The following TAF4B variants were observed in gnomAD, a reference collection of about 807,000 sequenced individuals.
TAF4B encodes transcription initiation factor TFIID subunit 4B.
TAF4B carries 38 observed loss-of-function variants against 86.4 expected under a neutral mutation model. The observed-to-expected ratio is 0.44, with a 90% confidence interval of 0.34 to 0.58. The LOEUF is 0.58. Among genes scored for constraint, TAF4B ranks in the 20% least tolerant of loss-of-function variants. The pLI is 0.02. For missense variants in TAF4B, 988 were observed against 1,027.6 expected (o/e 0.96, Z 0.53); for synonymous variants, 388 against 391.2 (o/e 0.99, Z 0.10).
chr18:26,234,497 A>G (rs1019695331), intron 1 of TAF4B, among the ~76,000 whole-genome samples: 1 of 152,164 alleles, frequency 6.6e-6, no homozygotes, highest in Non-Finnish European at 1.5e-5. Context: ...TCCCAGTTCT[A>G]AGGCTCGGGT....
rs373820767 is a variant in TAF4B at position 26,321,218 on chromosome 18, A to G, written c.2133+18A>G. On this transcript the variant is annotated intron_variant, in intron 11 of 14. Transcript: ENST00000269142. ...CTTACAAGGTAAAGGAAATCATTAA[A>G]GAAGTATAAACTCTCGAGTGTTATA... is the stretch of plus-strand genomic sequence containing the variant. 70 of 1,613,110 alleles carry G rather than the reference A, an allele frequency of 4.3e-5. No individual in the cohort carries two copies. The highest frequency in any genetic ancestry group is 5.8e-5 in the Non-Finnish European group (69 of 1,179,488).
rs879719063 is a variant in TAF4B at position 26,226,828 on chromosome 18, T to C, written c.-106T>C. The C allele has an allele frequency of 1.1e-6, 1 of 910,878 alleles. No homozygotes were observed. The highest frequency in any genetic ancestry group is 1.5e-6 in the Non-Finnish European group (1 of 671,616). The allele number at this position is 910,878 out of a possible 1,614,324, so 56.4% of individuals were successfully genotyped here. A position where few individuals can be genotyped will look rare whatever the true frequency, so the allele number is the denominator to read the frequency against. ...CGGCCCCCGCGCCTCTCCCCAGCGA[T>C]GCTGTGGAACCCGAACCGCACCGGA... On this transcript the variant is annotated 5_prime_UTR_variant, in exon 1 of 15. It removes an upstream start codon present in the reference 5' UTR. Coordinates refer to ENST00000269142, the MANE Select transcript of TAF4B (RefSeq NM_005640.3).
chr18:26,275,149 T>A (rs78200179), intron 5 of TAF4B, 96 bp downstream of exon 5: 63,926 of 1,245,732 alleles, frequency 0.051, 1,774 homozygotes, highest in Non-Finnish European at 0.058. Flanking sequence ...TTATTTAATT[T>A]ATTTATTTAT....
intron 14 of TAF4B, among the ~76,000 whole-genome samples, chr18:26,381,719 C>T (rs1442622003): frequency 7.0e-6 from 1 of 143,488 alleles, no homozygotes; most frequent in Non-Finnish European, 1.5e-5. Flanking sequence ...GAGCGAAACT[C>T]CGCCTCTAAA....
intron 9 of TAF4B, among the ~76,000 whole-genome samples, chr18:26,302,124 CAG>C (rs1484179753): frequency 2.0e-5 from 3 of 152,136 alleles, no homozygotes; most frequent in Non-Finnish European, 4.4e-5. Context: ...TGGTCTGTAA[CAG>C]AAACAGAAGT....
chr18:26,295,842 C>CTCAT (rs1246037654), intron 9 of TAF4B, among the ~76,000 whole-genome samples: 2 of 152,030 alleles, frequency 1.3e-5, no homozygotes, highest in Non-Finnish European at 2.9e-5. Context: ...TTTTTGAAAT[C>CTCAT]TCATAGTTTT....
intron 14 of TAF4B, among the ~76,000 whole-genome samples, chr18:26,386,146 A>G (rs1978353746): frequency 6.6e-6 from 1 of 152,052 alleles, no homozygotes; most frequent in African/African-American, 2.4e-5. Context: ...TTTTTCATTT[A>G]TAACATTGCC....
At chr18:26,259,648 G>A (rs1163639950) in intron 1 of TAF4B, among the ~76,000 whole-genome samples, 2 of 152,292 alleles carry the variant, frequency 1.3e-5, no homozygotes, top group African/African-American at 4.8e-5. Flanking sequence ...ATTCCATAGT[G>A]TATATGTGCC....
At chr18:26,259,302 T>A (rs1234642553) in intron 1 of TAF4B, among the ~76,000 whole-genome samples, 1 of 152,024 alleles carries the variant, frequency 6.6e-6, no homozygotes, top group African/African-American at 2.4e-5. Flanking sequence ...TTTTTTATTA[T>A]ACTTTAAGTT....
At chr18:26,354,841 T>C (rs1332171509) in intron 13 of TAF4B, among the ~76,000 whole-genome samples, 2 of 152,242 alleles carry the variant, frequency 1.3e-5, no homozygotes, top group Non-Finnish European at 2.9e-5. Context: ...GGTATGATTC[T>C]TCCAATTTTG....
intron 14 of TAF4B, among the ~76,000 whole-genome samples, chr18:26,367,133 TC>T (rs1025786061): frequency 2.4e-4 from 36 of 152,180 alleles, no homozygotes; most frequent in African/African-American, 8.0e-4. Context: ...AATAGGATTC[TC>T]CAAAAGAGCA....
At position 26,324,863 on chromosome 18, in the gene TAF4B, G is replaced by T. The variant is rs145736692; in HGVS notation, c.2134-2152G>T. ...TTCAGTTTGAAATCACCATTATTTT[G>T]TAGACTTTGTTTGTAATAATCTTTA... On this transcript the variant is annotated intron_variant, in intron 11 of 14. Transcript: ENST00000269142. 5.1e-3 allele frequency among the ~76,000 whole-genome samples: 781 copies of T among 152,200 alleles called. 7 individuals carry two copies. Among genetic ancestry groups the T allele is most frequent in the Middle Eastern group, 0.02 (6 of 294 alleles).
Position 26,346,789 on chromosome 18 carries a change from ATATATATATGTG to A in TAF4B, c.2317-10891_2317-10880del, listed in dbSNP as rs1331669551. 4.4e-3 allele frequency among the ~76,000 whole-genome samples: 151 copies of A among 34,032 alleles called. 4 individuals are homozygous for A. Among genetic ancestry groups the A allele is most frequent in the African/African-American group, 6.8e-3 (84 of 12,294 alleles). 22.3% of individuals were successfully genotyped at this position (34,032 alleles called of 152,430 possible). A position where few individuals can be genotyped will look rare whatever the true frequency, so the allele number is the denominator to read the frequency against. ...TATATATATATGTGTGTGTATATAT[ATATATATATGTG>A]TATATATATATATATGTGTGTGTAT... On this transcript the variant is annotated intron_variant, in intron 13 of 14. Coordinates refer to ENST00000269142, the MANE Select transcript of TAF4B (RefSeq NM_005640.3).
intron 1 of TAF4B, among the ~76,000 whole-genome samples, chr18:26,228,493 A>G (rs1217214613): frequency 2.0e-5 from 3 of 152,192 alleles, no homozygotes; most frequent in Admixed American, 1.3e-4. Flanking sequence ...TGGCAGTTCT[A>G]AATTGTTATT....
rs1223670623 is a variant in TAF4B at position 26,286,342 on chromosome 18, C to T, written c.1433C>T (p.Ala478Val). The T allele has an allele frequency of 6.2e-7, 1 of 1,614,220 alleles. No homozygotes were observed. The highest frequency in any genetic ancestry group is 1.3e-5 in the African/African-American group (1 of 75,064). The change falls in exon 7 of 15, where the codon GCT (alanine) becomes GTT (valine). Residue 478 changes from alanine to valine, a missense_variant. Transcript: ENST00000269142. ...AVTFGETSGA[A>V]ICLPSVKPVV... ...ACTTTTGGAGAAACTTCAGGTGCAG[C>T]TATTTGTCTTCCATCTGTGAAACCT...
intron 2 of TAF4B, among the ~76,000 whole-genome samples, chr18:26,265,816 A>G (rs926903903): frequency 3.9e-5 from 6 of 152,112 alleles, no homozygotes; most frequent in African/African-American, 1.4e-4. Context: ...TAGCCTCCCA[A>G]AGTGCTGGGA....
intron 9 of TAF4B, among the ~76,000 whole-genome samples, chr18:26,314,928 T>C (rs1424422135): frequency 3.9e-5 from 6 of 152,172 alleles, no homozygotes; most frequent in African/African-American, 1.4e-4. Flanking sequence ...AAGTTACTTC[T>C]GATTCATCCT....
At chr18:26,324,976 T>C (rs1170200879) in intron 11 of TAF4B, among the ~76,000 whole-genome samples, 3 of 152,348 alleles carry the variant, frequency 2.0e-5, no homozygotes, top group Non-Finnish European at 2.9e-5. Context: ...TTCTACTCCA[T>C]AGATTTTATA....
chr18:26,331,002 T>G (rs777867776), intron 12 of TAF4B, among the ~76,000 whole-genome samples: 1 of 152,130 alleles, frequency 6.6e-6, no homozygotes, highest in Non-Finnish European at 1.5e-5. Context: ...CCTTGTATTC[T>G]TCACCACTGG....
Sources: allele counts gnomAD v4.1 joint callset (sites outside exome capture counted in the v4.1 genomes callset), GRCh38; gene constraint gnomAD v4.1.1; transcripts MANE v1.5; gene names NCBI Gene and HGNC (gene_info 2026-07-23, HGNC 2026-07-21).